Variants in PCP4L1 observed in about 807,000 individuals in gnomAD.
PCP4L1 encodes Purkinje cell protein 4-like protein 1.
A neutral mutation model predicts 9.6 loss-of-function variants in PCP4L1; 9 were observed. The ratio of observed to expected loss-of-function variants is 0.94; its 90% CI spans 0.57 to 1.64. The LOEUF (loss-of-function observed/expected upper bound fraction) is 1.64, where lower values mean the gene tolerates loss of function less well. PCP4L1 is among the 40% of genes most tolerant of loss of function. PCP4L1 has a pLI of 0.00. For synonymous variants in PCP4L1, 31 were observed against 28.2 expected, an observed-to-expected ratio of 1.10 and a Z score of -0.31; for missense variants, 81 against 80.8, an observed-to-expected ratio of 1.00 and a Z score of -0.01.
At chr1:161,263,642 C>T (rs1042687852) in intron 1 of PCP4L1, among the ~76,000 whole-genome samples, 10 of 150,440 alleles carry the variant, frequency 6.6e-5, no homozygotes, top group Non-Finnish European at 1.0e-4. Context: ...AGTACAGTGG[C>T]ATGATCATGG....
chr1:161,265,678 G>A (rs775640791), intron 1 of PCP4L1, among the ~76,000 whole-genome samples: 8 of 150,352 alleles, frequency 5.3e-5, no homozygotes, highest in Non-Finnish European at 7.4e-5. Flanking sequence ...CTTGACTTGC[G>A]TTGGAATTAT....
At chr1:161,275,009 C>T (rs1029293234) in intron 1 of PCP4L1, among the ~76,000 whole-genome samples, 1 of 152,008 alleles carries the variant, frequency 6.6e-6, no homozygotes, top group Non-Finnish European at 1.5e-5. Flanking sequence ...CTAGAAACCC[C>T]GGGGGGTGGG....
At position 161,268,551 on chromosome 1, in the gene PCP4L1, C is replaced by CTTTTTTTTTT. The variant is rs10654377; in HGVS notation, c.9+9578_9+9587dup. Among the ~76,000 whole-genome samples, 22 of 114,050 alleles carry CTTTTTTTTTT rather than the reference C, an allele frequency of 1.9e-4. 1 individual carries two copies. The highest frequency in any genetic ancestry group is 2.7e-4 in the Non-Finnish European group (16 of 58,934). 74.8% of individuals were successfully genotyped at this position (114,050 alleles called of 152,430 possible). A position where few individuals can be genotyped will look rare whatever the true frequency, so the allele number is the denominator to read the frequency against. On this transcript the variant is annotated intron_variant, in intron 1 of 2. Coordinates refer to ENST00000504449, the MANE Select transcript of PCP4L1 (RefSeq NM_001102566.2). ...TACATTTTTCTCTGGTTCCTTTTACCTTTTTTTTTTTTTTTTTTTGAGATG... is the reference window on the plus strand; with the variant it reads ...TACATTTTTCTCTGGTTCCTTTTACCTTTTTTTTTTTTTTTTTTTTTTTTTTTTTGAGATG...
intron 1 of PCP4L1, among the ~76,000 whole-genome samples, chr1:161,263,398 C>T (rs1286124066): frequency 2.6e-5 from 4 of 151,650 alleles, no homozygotes; most frequent in African/African-American, 7.3e-5. Flanking sequence ...CCACCACGCC[C>T]GGCTAATTTT....
intron 1 of PCP4L1, among the ~76,000 whole-genome samples, chr1:161,273,402 T>C (rs1022550444): frequency 8.5e-5 from 13 of 152,174 alleles, no homozygotes; most frequent in Admixed American, 2.6e-4. Context: ...GGCTGGAGTA[T>C]TGCTTGAGTG....
intron 1 of PCP4L1, among the ~76,000 whole-genome samples, chr1:161,266,774 G>T (rs1669538036): frequency 6.6e-6 from 1 of 152,132 alleles, no homozygotes; most frequent in Non-Finnish European, 1.5e-5. Context: ...ATTATCTTGA[G>T]GGTGACCTTG....
intron 2 of PCP4L1, among the ~76,000 whole-genome samples, chr1:161,284,053 C>T (rs111334021): frequency 6.8e-4 from 103 of 152,236 alleles, no homozygotes; most frequent in African/African-American, 2.2e-3. Flanking sequence ...AGTGAGTGTG[C>T]ATTGGAACTT....
chr1:161,265,203 T>C (rs947433958), intron 1 of PCP4L1, among the ~76,000 whole-genome samples: 1 of 152,188 alleles, frequency 6.6e-6, no homozygotes, highest in African/African-American at 2.4e-5. Flanking sequence ...TTTGGCCGTT[T>C]GACTTCCAAG....
chr1:161,259,987 T>C (rs749217330), intron 1 of PCP4L1, among the ~76,000 whole-genome samples: 5 of 152,260 alleles, frequency 3.3e-5, no homozygotes, highest in Non-Finnish European at 7.3e-5. Flanking sequence ...GTTGTTGTAA[T>C]AATTAAATGA....
intron 1 of PCP4L1, among the ~76,000 whole-genome samples, chr1:161,283,109 A>G (rs1669850960): frequency 6.6e-6 from 1 of 151,848 alleles, no homozygotes; most frequent in African/African-American, 2.4e-5. Context: ...ATCTCCATTA[A>G]TCTTTCCTCT....
chr1:161,259,234 A>G (rs2102228484), intron 1 of PCP4L1, among the ~76,000 whole-genome samples: 1 of 152,204 alleles, frequency 6.6e-6, no homozygotes, highest in South Asian at 2.1e-4. Context: ...TAGAGTCCGG[A>G]AGCGGGGATG....
rs4477295 is a variant in PCP4L1 at position 161,284,490 on chromosome 1, G to C, written c.*9G>C. ...AGGATCCCAGCTCCTGAATGGCCAG[G>C]CTTGCCCTTCACCTTCACCTTCATG... On this transcript the variant is annotated 3_prime_UTR_variant, in exon 3 of 3. Coordinates refer to ENST00000504449, the MANE Select transcript of PCP4L1 (RefSeq NM_001102566.2). 239,122 of 1,609,472 alleles carry C rather than the reference G, an allele frequency of 0.15. 18,972 individuals carry two copies. The highest frequency in any genetic ancestry group is 0.25 in the African/African-American group (18,834 of 74,892).
intron 1 of PCP4L1, among the ~76,000 whole-genome samples, chr1:161,259,462 C>T (rs751013096): frequency 6.6e-6 from 1 of 152,180 alleles, no homozygotes; most frequent in African/African-American, 2.4e-5. Flanking sequence ...AAGGTGGCAT[C>T]CTGCCCTCCA....
intron 1 of PCP4L1, among the ~76,000 whole-genome samples, chr1:161,262,481 A>T (rs1024588262): frequency 6.6e-6 from 1 of 151,756 alleles, no homozygotes; most frequent in Non-Finnish European, 1.5e-5. Context: ...CTCTGGAAAC[A>T]TCTGCGTTGG....
chr1:161,272,451 G>A (rs568592323), intron 1 of PCP4L1, among the ~76,000 whole-genome samples: 21 of 151,612 alleles, frequency 1.4e-4, no homozygotes, highest in Non-Finnish European at 2.2e-4. Flanking sequence ...CCAGCTACGC[G>A]GGAGGCTGAG....
At chr1:161,266,698 T>G (rs1380958717) in intron 1 of PCP4L1, among the ~76,000 whole-genome samples, 1 of 152,148 alleles carries the variant, frequency 6.6e-6, no homozygotes, top group Non-Finnish European at 1.5e-5. Context: ...GGAAATAGTA[T>G]ATATATTAAG....
intron 1 of PCP4L1, among the ~76,000 whole-genome samples, chr1:161,263,392 C>A (rs954108497): frequency 2.6e-5 from 4 of 151,990 alleles, no homozygotes; most frequent in Admixed American, 6.6e-5. Context: ...CACTCGCCAC[C>A]ACGCCCGGCT....
At chr1:161,275,817 A>G (rs2102238216) in intron 1 of PCP4L1, among the ~76,000 whole-genome samples, 1 of 139,194 alleles carries the variant, frequency 7.2e-6, no homozygotes, top group Non-Finnish European at 1.5e-5. Context: ...TTTTTTTGAG[A>G]CAGAGTCTTG....
intron 1 of PCP4L1, among the ~76,000 whole-genome samples, chr1:161,262,358 C>A (rs909134401): frequency 1.4e-5 from 2 of 139,112 alleles, no homozygotes; most frequent in Non-Finnish European, 3.0e-5. Flanking sequence ...GGCATGAACC[C>A]GGGAGGCGGA....
Sources: allele counts gnomAD v4.1 joint callset (sites outside exome capture counted in the v4.1 genomes callset), GRCh38; gene constraint gnomAD v4.1.1; transcripts MANE v1.5; gene names NCBI Gene and HGNC (gene_info 2026-07-23, HGNC 2026-07-21).